The following KCNK1 variants were observed in gnomAD, a reference collection of about 807,000 sequenced individuals.
KCNK1 encodes the protein potassium channel subfamily K member 1.
KCNK1 carries 10 observed loss-of-function variants against 22.2 expected under a neutral mutation model. That is an observed-to-expected ratio of 0.45 (90% CI 0.28 to 0.76). KCNK1 has a LOEUF of 0.76. Ranked by LOEUF, KCNK1 falls within the 30% of genes least tolerant of loss-of-function variation. The pLI, the probability that KCNK1 is intolerant of heterozygous loss-of-function variation, is 0.14. For synonymous variants in KCNK1, 200 were observed against 186.4 expected, an observed-to-expected ratio of 1.07 and a Z score of -0.60; for missense variants, 378 against 421.0, an observed-to-expected ratio of 0.90 and a Z score of 0.89.
In KCNK1 at chr1:233,631,309, A is replaced by G. The variant is rs906149663; in HGVS notation, c.355+16783A>G. The G allele has an allele frequency of 1.3e-5, 7 of 531,016 alleles. No homozygotes were observed. The Admixed American group carries it at 1.4e-4, about 10-fold the overall frequency. 32.9% of individuals were successfully genotyped at this position (531,016 alleles called of 1,614,324 possible). On this transcript the variant is annotated intron_variant, in intron 1 of 2. Transcript: ENST00000366621. Reference sequence around the variant, plus strand: ...AAAGGTTGTCACTCACTGAACCCCTAATGTGTGTTTAACTGTTGGGGAAGA... The same window carrying G: ...AAAGGTTGTCACTCACTGAACCCCTGATGTGTGTTTAACTGTTGGGGAAGA...
At chr1:233,628,953 C>A (rs1657742263) in intron 1 of KCNK1, among the ~76,000 whole-genome samples, 1 of 152,026 alleles carries the variant, frequency 6.6e-6, no homozygotes, top group Admixed American at 6.6e-5. Flanking sequence ...TCTCTTCAGA[C>A]AAGAATTCAT....
intron 1 of KCNK1, among the ~76,000 whole-genome samples, chr1:233,634,323 A>C (rs1372925657): frequency 3.3e-5 from 5 of 151,134 alleles, no homozygotes; most frequent in Non-Finnish European, 7.4e-5. Flanking sequence ...AACAACAAAA[A>C]AAAAAAAAAA....
intron 1 of KCNK1, among the ~76,000 whole-genome samples, chr1:233,615,059 AC>A (rs1657463815): frequency 6.6e-6 from 1 of 152,180 alleles, no homozygotes; most frequent in Non-Finnish European, 1.5e-5. Flanking sequence ...GTCCCTTTGG[AC>A]CATGCACAGA....
At chr1:233,658,588 G>A (rs1050148278) in intron 1 of KCNK1, among the ~76,000 whole-genome samples, 2 of 152,134 alleles carry the variant, frequency 1.3e-5, no homozygotes, top group African/African-American at 4.8e-5. Flanking sequence ...GTCACCTAAC[G>A]ACAGGGATAC....
intron 1 of KCNK1, among the ~76,000 whole-genome samples, chr1:233,641,059 G>A (rs1013586563): frequency 6.6e-6 from 1 of 152,156 alleles, no homozygotes; most frequent in African/African-American, 2.4e-5. Flanking sequence ...GTCTAAATTG[G>A]CATCTCTCTT....
chr1:233,645,336 A>T (rs1335702787), intron 1 of KCNK1, among the ~76,000 whole-genome samples: 1 of 152,238 alleles, frequency 6.6e-6, no homozygotes, highest in Non-Finnish European at 1.5e-5. Context: ...TCTTTGGAAA[A>T]AACGTCCTTG....
Position 233,644,016 on chromosome 1 carries a change from T to G in KCNK1, c.356-22579T>G, listed in dbSNP as rs542478822. Among the ~76,000 whole-genome samples the G allele has an allele frequency of 2.0e-5, 3 of 152,322 alleles. No homozygotes were observed. In the South Asian group the frequency reaches 6.2e-4, roughly 32 times the overall value. On this transcript the variant is annotated intron_variant, in intron 1 of 2. Coordinates refer to ENST00000366621, the MANE Select transcript of KCNK1 (RefSeq NM_002245.4). The stretch of plus-strand genomic sequence containing the variant: ...AGACCAGTTACTGTCCTGGTCCATT[T>G]GAGGTTGCTGTAAGAGAATACCACT...
At chr1:233,629,410 C>G (rs1386485961) in intron 1 of KCNK1, 1 of 152,200 alleles carries the variant, frequency 6.6e-6, no homozygotes, top group Non-Finnish European at 1.5e-5. Context: ...ATATACTCAG[C>G]ACACCCATCC....
intron 1 of KCNK1, among the ~76,000 whole-genome samples, chr1:233,621,975 C>T (rs701206): frequency 0.12 from 18,517 of 151,754 alleles, 1,274 homozygotes; most frequent in African/African-American, 0.17. Flanking sequence ...ATTTTATAGC[C>T]CCCGGAAGAT....
rs1273364699 is a variant in KCNK1, at chr1:233,672,241, T to A, written c.*711T>A. On this transcript the variant is annotated 3_prime_UTR_variant, in exon 3 of 3. Coordinates refer to ENST00000366621, the MANE Select transcript of KCNK1 (RefSeq NM_002245.4). ...TAAACTTGAGAGTGAATAACCATAG[T>A]ATTCTGCTGCAATAAATGTTTCTAC... 2 of 152,568 alleles carry A rather than the reference T, an allele frequency of 1.3e-5. No homozygotes were observed. Among genetic ancestry groups the A allele is most frequent in the African/African-American group, 4.8e-5 (2 of 41,438 alleles). The allele number at this position is 152,568 out of a possible 1,614,324, so 9.5% of individuals were successfully genotyped here.
intron 1 of KCNK1, among the ~76,000 whole-genome samples, chr1:233,617,602 T>C (rs1256971487): frequency 6.6e-6 from 1 of 152,082 alleles, no homozygotes; most frequent in Non-Finnish European, 1.5e-5. Flanking sequence ...AGACGAATGA[T>C]TGGAGAACAA....
chr1:233,633,290 C>A (rs961500878), intron 1 of KCNK1, among the ~76,000 whole-genome samples: 2 of 151,302 alleles, frequency 1.3e-5, no homozygotes, highest in Non-Finnish European at 1.5e-5. Context: ...ACAAAAAAAA[C>A]CACACCACAT....
intron 1 of KCNK1, among the ~76,000 whole-genome samples, chr1:233,632,160 G>A (rs1368526368): frequency 1.3e-5 from 2 of 152,230 alleles, no homozygotes; most frequent in Non-Finnish European, 2.9e-5. Context: ...GGGCTAATAT[G>A]TGCTCTGTCC....
rs761386748 is a variant in KCNK1 at position 233,666,614 on chromosome 1, C to G, written c.375C>G (p.Pro125=). 1 of 1,610,570 alleles carries G rather than the reference C, an allele frequency of 6.2e-7. No individual in the cohort carries two copies. The highest frequency in any genetic ancestry group is 8.5e-7 in the Non-Finnish European group (1 of 1,177,798). Residue 125 remains proline, a synonymous_variant, in exon 2 of 3, where the codon CCC becomes CCG. Transcript: ENST00000366621. ...TTGCAGGTTATGGCCACACCGTGCC[C>G]TTGTCAGATGGAGGTAAGGCCTTCT... The part of the protein sequence containing the change: ...LSTTGYGHTV[P]LSDGGKAFCI...
intron 1 of KCNK1, among the ~76,000 whole-genome samples, chr1:233,617,686 T>C (rs1454153542): frequency 6.6e-6 from 1 of 152,182 alleles, no homozygotes; most frequent in Non-Finnish European, 1.5e-5. Flanking sequence ...GGTGGAAGGA[T>C]TGCTGGAGCT....
intron 1 of KCNK1, among the ~76,000 whole-genome samples, chr1:233,649,631 T>C (rs1193112000): frequency 2.0e-5 from 3 of 152,214 alleles, no homozygotes; most frequent in Non-Finnish European, 4.4e-5. Flanking sequence ...TGCTCTCTGC[T>C]GGTGCCTTGT....
intron 1 of KCNK1, 43 bp downstream of exon 1, chr1:233,614,569 C>T (rs1375279407): frequency 2.1e-6 from 3 of 1,452,332 alleles, no homozygotes; most frequent in African/African-American, 1.4e-5. Flanking sequence ...GGCCACCTCG[C>T]CCACAACCCA....
At chr1:233,616,348 T>C (rs1483614097) in intron 1 of KCNK1, among the ~76,000 whole-genome samples, 2 of 152,220 alleles carry the variant, frequency 1.3e-5, no homozygotes, top group African/African-American at 2.4e-5. Flanking sequence ...GACTCATGTA[T>C]AGTCTTAACA....
intron 1 of KCNK1, among the ~76,000 whole-genome samples, chr1:233,665,162 C>A (rs1344933152): frequency 6.6e-6 from 1 of 152,094 alleles, no homozygotes. Context: ...TTTATGACAT[C>A]TTTGAAAATA....
Sources: gnomAD v4.1 joint callset for allele counts (sites outside exome capture counted in the v4.1 genomes callset) on GRCh38, gnomAD v4.1.1 for gene constraint, MANE v1.5 for transcripts, NCBI Gene and HGNC (gene_info 2026-07-23, HGNC 2026-07-21) for gene names.